STXBP4: variants seen among roughly 807,000 people sequenced by gnomAD.
The protein encoded by STXBP4 is syntaxin-binding protein 4.
In STXBP4, 55 loss-of-function variants were observed where a neutral mutation model predicts 76.1. The ratio of observed to expected loss-of-function variants is 0.72; its 90% CI spans 0.58 to 0.91. STXBP4 has a LOEUF of 0.91. STXBP4 is among the 40% of genes least tolerant of loss of function. STXBP4 has a pLI of 0.00. For missense variants in STXBP4, 618 were observed against 636.9 expected (o/e 0.97, Z 0.32); for synonymous variants, 201 against 220.2 (o/e 0.91, Z 0.77).
At chr17:55,198,097 G>T in the STXBP4 span, among the ~76,000 whole-genome samples, 1 of 152,198 alleles carries the variant, frequency 6.6e-6, no homozygotes, top group Non-Finnish European at 1.5e-5. Flanking sequence ...TTTCTCATTG[G>T]CCACTTGGCA....
At chr17:54,992,084 A>G (rs570914435) in intron 4 of STXBP4, among the ~76,000 whole-genome samples, 5 of 152,138 alleles carry the variant, frequency 3.3e-5, no homozygotes, top group African/African-American at 1.2e-4. Flanking sequence ...GCTTGTTCAG[A>G]TAATAAGGCA....
chr17:55,123,544 G>A (rs541448204), intron 16 of STXBP4, among the ~76,000 whole-genome samples: 47 of 152,180 alleles, frequency 3.1e-4, no homozygotes, highest in Admixed American at 1.6e-3. Flanking sequence ...GTGTTCTAAC[G>A]TTACAATAAT....
chr17:55,180,697 A>G, the STXBP4 span, among the ~76,000 whole-genome samples: 1 of 152,218 alleles, frequency 6.6e-6, no homozygotes, highest in Non-Finnish European at 1.5e-5. Context: ...TCTGTCATTA[A>G]GCTGTAACAC....
At chr17:54,984,427 C>T (rs1202744069) in intron 1 of STXBP4, among the ~76,000 whole-genome samples, 1 of 149,402 alleles carries the variant, frequency 6.7e-6, no homozygotes, top group South Asian at 2.1e-4. Flanking sequence ...ACTGCAAGCT[C>T]CGCCTCCCAG....
intron 11 of STXBP4, among the ~76,000 whole-genome samples, chr17:55,044,949 A>G (rs1037452577): frequency 1.3e-5 from 2 of 151,946 alleles, no homozygotes; most frequent in African/African-American, 2.4e-5. Context: ...TAACTGTCCT[A>G]TACATTAAAT....
chr17:54,986,093 T>A, intron 2 of STXBP4, 49 bp from the exon 3 acceptor site: 8 of 772,366 alleles, frequency 1.0e-5, no homozygotes, highest in Non-Finnish European at 1.5e-5. Context: ...GGAATCAAAT[T>A]TGACAGTTCT....
chr17:55,201,672 TA>T, the STXBP4 span, among the ~76,000 whole-genome samples: 1 of 152,168 alleles, frequency 6.6e-6, no homozygotes, highest in Non-Finnish European at 1.5e-5. Flanking sequence ...GCTAAGGTCG[TA>T]GCAAAGGAAA....
At chr17:55,052,917 G>A (rs985632031) in intron 12 of STXBP4, among the ~76,000 whole-genome samples, 7 of 19,542 alleles carry the variant, frequency 3.6e-4, no homozygotes, top group Admixed American at 2.5e-3. Flanking sequence ...CGTGTATGAC[G>A]TGTGTGTGTG....
intron 12 of STXBP4, among the ~76,000 whole-genome samples, chr17:55,057,389 G>A (rs1211934953): frequency 2.0e-5 from 3 of 152,128 alleles, no homozygotes. Context: ...ATACTAAACA[G>A]TGTTAGCAAC....
intron 15 of STXBP4, 101 bp from the exon 16 acceptor site, chr17:55,080,949 A>G (rs995333986): frequency 6.1e-6 from 7 of 1,140,658 alleles, no homozygotes; most frequent in Non-Finnish European, 8.0e-6. Context: ...AGAAATATAA[A>G]TATTTTTGTA....
At chr17:55,060,202 A>T (rs1358545731) in intron 12 of STXBP4, among the ~76,000 whole-genome samples, 1 of 152,116 alleles carries the variant, frequency 6.6e-6, no homozygotes, top group Non-Finnish European at 1.5e-5. Context: ...TTGACCATGG[A>T]TACTATTCAG....
intron 17 of STXBP4, among the ~76,000 whole-genome samples, chr17:55,159,089 A>G (rs2080311419): frequency 6.6e-6 from 1 of 152,096 alleles, no homozygotes; most frequent in African/African-American, 2.4e-5. Flanking sequence ...TACTAATAAT[A>G]CAAAAATTAG....
At chr17:55,031,319 G>A in intron 9 of STXBP4, 55 bp downstream of exon 9, 3 of 1,339,780 alleles carry the variant, frequency 2.2e-6, no homozygotes, top group Non-Finnish European at 3.2e-6. Flanking sequence ...CAAGAGTTAT[G>A]GTGACACATT....
the STXBP4 span, among the ~76,000 whole-genome samples, chr17:55,209,303 G>A: frequency 4.6e-5 from 7 of 152,286 alleles, no homozygotes; most frequent in African/African-American, 1.7e-4. Flanking sequence ...ATCTGGGGAA[G>A]GAAACGAGCT....
intron 1 of STXBP4, among the ~76,000 whole-genome samples, chr17:54,981,064 C>T (rs909140688): frequency 2.0e-5 from 3 of 151,900 alleles, no homozygotes; most frequent in African/African-American, 4.8e-5. Context: ...AGATTGGCCA[C>T]CCCTGCTATA....
rs146349234 is a variant in STXBP4 at position 55,065,877 on chromosome 17, A to T, written c.1012-7023A>T. On this transcript the variant is annotated intron_variant, in intron 12 of 17. Transcript: ENST00000376352. ...TTTTGCACCTTTTGGAGAGTAAGGC[A>T]GCTGCAGGTAAAAAAAGTTGAAAGC... Among the ~76,000 whole-genome samples, 60 of 152,318 alleles carry T rather than the reference A, an allele frequency of 3.9e-4. 1 individual carries two copies. The East Asian group carries it at 5.8e-3, about 15-fold the overall frequency.
intron 1 of STXBP4, among the ~76,000 whole-genome samples, chr17:54,972,375 T>A (rs1317388810): frequency 6.6e-6 from 1 of 152,232 alleles, no homozygotes; most frequent in African/African-American, 2.4e-5. Context: ...TCTAATGTTA[T>A]CAGTCCTTCT....
intron 12 of STXBP4, among the ~76,000 whole-genome samples, chr17:55,057,251 A>G (rs887406759): frequency 1.3e-5 from 2 of 152,222 alleles, no homozygotes; most frequent in African/African-American, 2.4e-5. Context: ...AGTACAGAAA[A>G]TCTTCGTAAA....
chr17:55,006,568 T>C (rs2082302781), intron 7 of STXBP4, among the ~76,000 whole-genome samples: 1 of 152,212 alleles, frequency 6.6e-6, no homozygotes, highest in South Asian at 2.1e-4. Flanking sequence ...TCTGGTCTTT[T>C]GTAGCATCTT....
Sources: gnomAD v4.1 joint callset for allele counts (sites outside exome capture counted in the v4.1 genomes callset) on GRCh38, gnomAD v4.1.1 for gene constraint, MANE v1.5 for transcripts, NCBI Gene and HGNC (gene_info 2026-07-23, HGNC 2026-07-21) for gene names.